Variants in SLC35E3 observed in about 807,000 individuals in gnomAD.
SLC35E3 encodes solute carrier family 35 member E3.
Under a neutral mutation model 30.8 loss-of-function variants are expected in SLC35E3, and 28 were observed. The observed-to-expected ratio is 0.91, with a 90% CI of 0.67 to 1.25. The LOEUF is 1.25. Among genes scored for constraint, SLC35E3 ranks in the 50% most tolerant of loss-of-function variants. The pLI, the probability that SLC35E3 is intolerant of heterozygous loss-of-function variation, is 0.00. For missense variants in SLC35E3, 365 were observed against 375.4 expected (o/e 0.97, Z 0.23); for synonymous variants, 146 against 149.2 (o/e 0.98, Z 0.16).
At chr12:68,764,259 C>A (rs895366279) in intron 4 of SLC35E3, among the ~76,000 whole-genome samples, 1 of 152,108 alleles carries the variant, frequency 6.6e-6, no homozygotes, top group African/African-American at 2.4e-5. Flanking sequence ...ATGAATCAAT[C>A]GCTAAAACCT....
At position 68,752,189 on chromosome 12, in the gene SLC35E3, TG is replaced by T; in HGVS notation, c.672+1del. On this transcript the variant is annotated frameshift_variant and splice_region_variant, in exon 3 of 5. Transcript: ENST00000398004. LOFTEE classifies it high-confidence loss of function. Reference sequence around the variant, plus strand: ...TTTGGTCCCTGGTCAGTTTCTGCTTTGGTAAGTTCTAATTGTTTTGATATCT... The same window carrying T: ...TTTGGTCCCTGGTCAGTTTCTGCTTTGTAAGTTCTAATTGTTTTGATATCT... ...GIFGPWSVSA[L>X]LMVLLSGVIA... The T allele has an allele frequency of 6.2e-7, 1 of 1,601,978 alleles. No individual in the cohort carries two copies. Among genetic ancestry groups the T allele is most frequent in the Non-Finnish European group, 8.5e-7 (1 of 1,176,390 alleles).
Position 68,775,190 on chromosome 12 carries a change from A to G in SLC35E3, c.*10300A>G, listed in dbSNP as rs1278160926. 6.6e-6 allele frequency: 1 copy of G among 152,112 alleles called. No individual in the cohort carries two copies. Among genetic ancestry groups the G allele is most frequent in the Non-Finnish European group, 1.5e-5 (1 of 68,026 alleles). 9.4% of individuals were successfully genotyped at this position (152,112 alleles called of 1,614,324 possible). A position where few individuals can be genotyped will look rare whatever the true frequency, so the allele number is the denominator to read the frequency against. On this transcript the variant is annotated 3_prime_UTR_variant, in exon 5 of 5. Transcript: ENST00000398004. ...ATTACTCGTAGCTGCAAGAATGCCA[A>G]TGAGCATTTGGGGTAAAAAGGGGCA...
chr12:68,746,183 C>G lies in SLC35E3; in HGVS notation c.-195C>G. On this transcript the variant is annotated 5_prime_UTR_variant, in exon 1 of 5. Coordinates refer to ENST00000398004, the MANE Select transcript of SLC35E3 (RefSeq NM_018656.5). ...CGTGGGACGTGCTGCGGCGTCCTAGCTGGCTTACAGGGCGGCGGCGGGGTG... is the reference window on the plus strand; with the variant it reads ...CGTGGGACGTGCTGCGGCGTCCTAGGTGGCTTACAGGGCGGCGGCGGGGTG... 1 of 491,126 alleles carries G rather than the reference C, an allele frequency of 2.0e-6. No homozygotes were observed. The highest frequency in any genetic ancestry group is 3.6e-6 in the Non-Finnish European group (1 of 280,726). The allele number at this position is 491,126 out of a possible 1,614,324, so 30.4% of individuals were successfully genotyped here. A position where few individuals can be genotyped will look rare whatever the true frequency, so the allele number is the denominator to read the frequency against.
rs1412790788 is a variant in SLC35E3 at position 68,767,545 on chromosome 12, G to A, written c.*2655G>A. 4.0e-5 allele frequency: 6 copies of A among 149,064 alleles called. No homozygotes were observed. The highest frequency in any genetic ancestry group is 1.5e-4 in the African/African-American group (6 of 40,782). 9.2% of individuals were successfully genotyped at this position (149,064 alleles called of 1,614,324 possible). On this transcript the variant is annotated 3_prime_UTR_variant, in exon 5 of 5. Transcript: ENST00000398004. ...AAAAAAAAAAAAAAAAAAGGGAAGA[G>A]CGACAAAATATACCTTTTGATAAGA...
intron 4 of SLC35E3, among the ~76,000 whole-genome samples, chr12:68,763,347 A>G (rs548594130): frequency 6.4e-4 from 98 of 152,148 alleles, no homozygotes; most frequent in Non-Finnish European, 1.2e-3. Context: ...AAAAATAGTT[A>G]TATTTAAATA....
intron 2 of SLC35E3, among the ~76,000 whole-genome samples, chr12:68,749,803 G>C (rs1384770903): frequency 6.6e-6 from 1 of 152,220 alleles, no homozygotes; most frequent in African/African-American, 2.4e-5. Flanking sequence ...GTGAGGCTAG[G>C]CAGTAGGTGC....
chr12:68,780,312 G>A lies in SLC35E3; in HGVS notation c.*15422G>A, dbSNP rs1304943451. On this transcript the variant is annotated 3_prime_UTR_variant, in exon 5 of 5. Coordinates refer to ENST00000398004, the MANE Select transcript of SLC35E3 (RefSeq NM_018656.5). ...GCCTCCCAAGTAGCTGGGACTACAG[G>A]CATGCACCACCACACCTGGCTAATT... 1 of 151,806 alleles carries A rather than the reference G, an allele frequency of 6.6e-6. No individual in the cohort carries two copies. The highest frequency in any genetic ancestry group is 1.5e-5 in the Non-Finnish European group (1 of 68,048). 9.4% of individuals were successfully genotyped at this position (151,806 alleles called of 1,614,324 possible).
At position 68,746,613 on chromosome 12, in the gene SLC35E3, T is replaced by G; in HGVS notation, c.236T>G (p.Leu79Arg). 6.2e-7 allele frequency: 1 copy of G among 1,614,256 alleles called. No individual in the cohort carries two copies. Among genetic ancestry groups the G allele is most frequent in the Non-Finnish European group, 8.5e-7 (1 of 1,180,046 alleles). ...PKSLPPSRLL[L>R]LALSFCGFVV... ...AGTCTGCCGCCCTCCAGGCTCCTCC[T>G]CCTGGCCCTCAGCTTCTGTGGCTTT... Residue 79 changes from leucine (L) to arginine (R), a missense_variant, in exon 1 of 5, where the codon CTC (leucine) becomes CGC (arginine). Transcript: ENST00000398004.
intron 3 of SLC35E3, among the ~76,000 whole-genome samples, chr12:68,756,721 G>A (rs1879019574): frequency 6.6e-6 from 1 of 152,206 alleles, no homozygotes; most frequent in Non-Finnish European, 1.5e-5. Context: ...CACATGATCG[G>A]CCAGGCGCAG....
rs1448200047 is a variant in SLC35E3, at chr12:68,764,725, C to G, written c.777C>G (p.Phe259Leu). The G allele has an allele frequency of 6.2e-7, 1 of 1,613,984 alleles. No individual in the cohort carries two copies. Among genetic ancestry groups the G allele is most frequent in the East Asian group, 2.2e-5 (1 of 44,864 alleles). ...TCAGCTATAACATGTTCGGACACTTCAAGTTCTGCATTACTTTATTCGGAG... is the reference window on the plus strand; with the variant it reads ...TCAGCTATAACATGTTCGGACACTTGAAGTTCTGCATTACTTTATTCGGAG... ...SPVTYNMFGH[F>L]KFCITLFGGY... The change falls in exon 5 of 5, where the codon TTC becomes TTG. Residue 259 changes from phenylalanine (F) to leucine (L), a missense_variant. Phe to Leu is a conservative substitution (Grantham distance 22). Transcript: ENST00000398004.
intron 2 of SLC35E3, 152 bp from the exon 3 acceptor site, chr12:68,751,880 A>T: frequency 1.6e-6 from 1 of 638,082 alleles, no homozygotes; most frequent in Non-Finnish European, 2.5e-6. Flanking sequence ...CATATAGCTT[A>T]CTGGTCTTTG....
At chr12:68,764,639 G>A (rs1377779509) in intron 4 of SLC35E3, 65 bp from the exon 5 acceptor site, 12 of 1,506,034 alleles carry the variant, frequency 8.0e-6, no homozygotes, top group Non-Finnish European at 1.1e-5. Context: ...TATGCAGTGC[G>A]AGTGTGTGTG....
At position 68,770,026 on chromosome 12, in the gene SLC35E3, G is replaced by A. The variant is rs964204165; in HGVS notation, c.*5136G>A. On this transcript the variant is annotated 3_prime_UTR_variant, in exon 5 of 5. Coordinates refer to ENST00000398004, the MANE Select transcript of SLC35E3 (RefSeq NM_018656.5). The stretch of plus-strand genomic sequence containing the variant: ...TAACAAAAGAATCTGGCCCAGGCTT[G>A]GCACTTGTGGAGGGAGTCCATGAGG... 4 of 152,214 alleles carry A rather than the reference G, an allele frequency of 2.6e-5. No individual in the cohort carries two copies. Among genetic ancestry groups the A allele is most frequent in the African/African-American group, 9.7e-5 (4 of 41,446 alleles). 9.4% of individuals were successfully genotyped at this position (152,214 alleles called of 1,614,324 possible).
rs1316887541 is a variant in SLC35E3 at position 68,746,455 on chromosome 12, C to T, written c.78C>T (p.Ile26=). ...TCCTGTTCAACCTGCTGGTGTCCAT[C>T]TGCATTGTGTTCCTCAACAAATGGA... ...AGLLFNLLVS[I]CIVFLNKWIY... is the part of the protein sequence containing the mutation. Residue 26 remains isoleucine, a synonymous_variant, in exon 1 of 5, where the codon ATC becomes ATT. Transcript: ENST00000398004. The T allele has an allele frequency of 4.3e-6, 7 of 1,614,130 alleles. No homozygotes were observed. The South Asian group carries it at 7.7e-5, about 18-fold the overall frequency.
At position 68,759,171 on chromosome 12, in the gene SLC35E3, A is replaced by C. The variant is rs200612988; in HGVS notation, c.687A>C (p.Leu229=). The C allele has an allele frequency of 3.7e-6, 6 of 1,613,100 alleles. No individual in the cohort carries two copies. Among genetic ancestry groups the C allele is most frequent in the South Asian group, 2.2e-5 (2 of 91,034 alleles). The change falls in exon 4 of 5, where the codon CTA becomes CTC. Residue 229 remains leucine (L), a synonymous_variant. Transcript: ENST00000398004. ...TTTATTTGTAGCTTATGGTGCTGCT[A>C]TCTGGAGTAATAGCTTTCATGGTGA... ...WSVSALLMVL[L]SGVIAFMVNL...
chr12:68,768,312 A>T lies in SLC35E3; in HGVS notation c.*3422A>T, dbSNP rs202051779. 2 of 151,328 alleles carry T rather than the reference A, an allele frequency of 1.3e-5. No individual in the cohort carries two copies. The highest frequency in any genetic ancestry group is 6.6e-5 in the Admixed American group (1 of 15,166). The allele number at this position is 151,328 out of a possible 1,614,324, so 9.4% of individuals were successfully genotyped here. A position where few individuals can be genotyped will look rare whatever the true frequency, so the allele number is the denominator to read the frequency against. ...CTCAAAAAAAGAAAAAAAAAAAGAA[A>T]TTTTTAACCGTAAATAGAACTTGGG... On this transcript the variant is annotated 3_prime_UTR_variant, in exon 5 of 5. Transcript: ENST00000398004.
At chr12:68,763,125 T>C (rs1349702154) in intron 4 of SLC35E3, among the ~76,000 whole-genome samples, 2 of 152,250 alleles carry the variant, frequency 1.3e-5, no homozygotes, top group Non-Finnish European at 2.9e-5. Flanking sequence ...GGTAATGTTA[T>C]TATAGCTAGC....
rs568314164 is a variant in SLC35E3, at chr12:68,778,195, T to A, written c.*13305T>A. 1 of 152,024 alleles carries A rather than the reference T, an allele frequency of 6.6e-6. No homozygotes were observed. Among genetic ancestry groups the A allele is most frequent in the South Asian group, 2.1e-4 (1 of 4,820 alleles). The allele number at this position is 152,024 out of a possible 1,614,324, so 9.4% of individuals were successfully genotyped here. On this transcript the variant is annotated 3_prime_UTR_variant, in exon 5 of 5. Coordinates refer to ENST00000398004, the MANE Select transcript of SLC35E3 (RefSeq NM_018656.5). ...ACAAAATAGAATTTGAGGCAAAAAG[T>A]GTTAATAGGATCAAGATTTTTTTTT...
rs1879559933 is a variant in SLC35E3 at position 68,770,003 on chromosome 12, A to G, written c.*5113A>G. ...GGGAACATCGTTCTGTGAGCACATA[A>G]CAAAAGAATCTGGCCCAGGCTTGGC... On this transcript the variant is annotated 3_prime_UTR_variant, in exon 5 of 5. Coordinates refer to ENST00000398004, the MANE Select transcript of SLC35E3 (RefSeq NM_018656.5). 1 of 152,248 alleles carries G rather than the reference A, an allele frequency of 6.6e-6. No homozygotes were observed. The highest frequency in any genetic ancestry group is 2.1e-4 in the South Asian group (1 of 4,834). 9.4% of individuals were successfully genotyped at this position (152,248 alleles called of 1,614,324 possible).
Sources: gnomAD v4.1 joint callset for allele counts (sites outside exome capture counted in the v4.1 genomes callset) on GRCh38, gnomAD v4.1.1 for gene constraint, MANE v1.5 for transcripts, NCBI Gene and HGNC (gene_info 2026-07-23, HGNC 2026-07-21) for gene names.